Variants in ZNF704 observed in about 807,000 individuals in gnomAD.
ZNF704 encodes the protein glucocorticoid induced gene 1.
A neutral mutation model predicts 44.7 loss-of-function variants in ZNF704; 10 were observed. The ratio of observed to expected loss-of-function variants is 0.22; its 90% CI spans 0.14 to 0.38. ZNF704 has a LOEUF of 0.38. Ranked by LOEUF, ZNF704 falls within the 10% of genes least tolerant of loss-of-function variation. The pLI, the probability that ZNF704 is intolerant of heterozygous loss-of-function variation, is 1.00. For synonymous variants in ZNF704, 211 were observed against 207.6 expected, an observed-to-expected ratio of 1.02 and a Z score of -0.14; for missense variants, 390 against 545.5, an observed-to-expected ratio of 0.71 and a Z score of 2.84.
At chr8:80,679,001 A>G (rs1393256372) in intron 4 of ZNF704, among the ~76,000 whole-genome samples, 1 of 152,150 alleles carries the variant, frequency 6.6e-6, no homozygotes, top group African/African-American at 2.4e-5. Context: ...CTCTCCTCCA[A>G]AAGTTACCCT....
intron 1 of ZNF704, among the ~76,000 whole-genome samples, chr8:80,847,056 C>T (rs568577824): frequency 1.2e-4 from 18 of 152,102 alleles, no homozygotes; most frequent in African/African-American, 4.1e-4. Context: ...GTCTGTAATC[C>T]CAGCTACTCG....
intron 2 of ZNF704, among the ~76,000 whole-genome samples, chr8:80,742,863 C>G (rs1806784364): frequency 1.3e-5 from 2 of 152,010 alleles, no homozygotes; most frequent in Admixed American, 1.3e-4. Flanking sequence ...AGAGGAGGTA[C>G]CGAGAGACAA....
chr8:80,711,311 C>A (rs1361462425), intron 2 of ZNF704, among the ~76,000 whole-genome samples: 1 of 152,130 alleles, frequency 6.6e-6, no homozygotes, highest in East Asian at 1.9e-4. Context: ...GCAGTGGCAA[C>A]AGGAGTCAAT....
chr8:80,769,945 C>T (rs543317450), intron 2 of ZNF704, among the ~76,000 whole-genome samples: 12 of 152,320 alleles, frequency 7.9e-5, no homozygotes, highest in Admixed American at 2.6e-4. Context: ...TACAGTTCCA[C>T]GTGGCTGGGG....
At chr8:80,804,501 T>C (rs1807954326) in intron 2 of ZNF704, among the ~76,000 whole-genome samples, 1 of 152,012 alleles carries the variant, frequency 6.6e-6, no homozygotes. Flanking sequence ...GCCATGAAAA[T>C]GAATGAGATT....
chr8:80,639,213 C>T lies in ZNF704; in HGVS notation c.*2153G>A, dbSNP rs565614065. The T allele has an allele frequency of 6.6e-6, 1 of 152,352 alleles. No individual in the cohort carries two copies. Among genetic ancestry groups the T allele is most frequent in the South Asian group, 2.1e-4 (1 of 4,826 alleles). The allele number at this position is 152,352 out of a possible 1,614,324, so 9.4% of individuals were successfully genotyped here. A position where few individuals can be genotyped will look rare whatever the true frequency, so the allele number is the denominator to read the frequency against. ...GAAAAACCTCTGGTCCAGGACTGTA[C>T]CCTGTCATTTAAACACATGGTGAAC... On this transcript the variant is annotated 3_prime_UTR_variant, in exon 9 of 9. Transcript: ENST00000327835.
intron 2 of ZNF704, among the ~76,000 whole-genome samples, chr8:80,773,442 T>C (rs866681100): frequency 3.9e-5 from 6 of 152,344 alleles, no homozygotes; most frequent in Middle Eastern, 3.4e-3. Context: ...ATTTCCTCTA[T>C]GCACATTTAG....
intron 7 of ZNF704, among the ~76,000 whole-genome samples, chr8:80,650,708 A>G (rs1447172147): frequency 6.6e-6 from 1 of 152,270 alleles, no homozygotes; most frequent in Non-Finnish European, 1.5e-5. Context: ...CCCGAAAGTG[A>G]CAGGGAGAAT....
At chr8:80,838,785 G>A (rs563036245) in intron 1 of ZNF704, among the ~76,000 whole-genome samples, 3 of 150,950 alleles carry the variant, frequency 2.0e-5, no homozygotes, top group African/African-American at 4.9e-5. Context: ...TGGAGGCAGC[G>A]GCAGGGAGCA....
intron 2 of ZNF704, among the ~76,000 whole-genome samples, chr8:80,797,112 C>T (rs912383351): frequency 5.9e-5 from 9 of 151,722 alleles, no homozygotes; most frequent in African/African-American, 2.2e-4. Flanking sequence ...GGAGAATAAT[C>T]TCCCTTGACT....
intron 2 of ZNF704, among the ~76,000 whole-genome samples, chr8:80,780,475 T>C (rs1312475140): frequency 2.6e-5 from 4 of 152,128 alleles, no homozygotes; most frequent in Non-Finnish European, 4.4e-5. Context: ...AAGATGTCCC[T>C]GTCCTAACCC....
chr8:80,737,096 A>T (rs1806680315), intron 2 of ZNF704, among the ~76,000 whole-genome samples: 1 of 152,192 alleles, frequency 6.6e-6, no homozygotes, highest in African/African-American at 2.4e-5. Context: ...TTCATTGCAT[A>T]CCTATATACA....
chr8:80,858,754 G>A (rs563146721), intron 1 of ZNF704, among the ~76,000 whole-genome samples: 41 of 151,752 alleles, frequency 2.7e-4, no homozygotes, highest in African/African-American at 8.5e-4. Context: ...TTAAATATTC[G>A]TGAATTTTCT....
chr8:80,820,844 C>T (rs1204812549), intron 2 of ZNF704, among the ~76,000 whole-genome samples: 1 of 151,968 alleles, frequency 6.6e-6, no homozygotes, highest in East Asian at 1.9e-4. Context: ...AGTTCAAGGC[C>T]GCAGTGAGCT....
At chr8:80,725,486 C>T (rs967999891) in intron 2 of ZNF704, among the ~76,000 whole-genome samples, 10 of 151,998 alleles carry the variant, frequency 6.6e-5, no homozygotes, top group Admixed American at 3.9e-4. Context: ...AACATGGACA[C>T]GAAAACACAA....
At chr8:80,736,165 T>C (rs1220106773) in intron 2 of ZNF704, among the ~76,000 whole-genome samples, 1 of 152,262 alleles carries the variant, frequency 6.6e-6, no homozygotes, top group Non-Finnish European at 1.5e-5. Flanking sequence ...TGAATCTCTT[T>C]TGCATAACAC....
chr8:80,797,005 A>AAGCC (rs1807817117), intron 2 of ZNF704, among the ~76,000 whole-genome samples: 1 of 151,960 alleles, frequency 6.6e-6, no homozygotes, highest in Non-Finnish European at 1.5e-5. Context: ...GGAAGGAAGC[A>AAGCC]AGCAAGCAAG....
intron 7 of ZNF704, among the ~76,000 whole-genome samples, chr8:80,653,902 A>G (rs1817965069): frequency 6.6e-6 from 1 of 152,268 alleles, no homozygotes; most frequent in Middle Eastern, 3.4e-3. Flanking sequence ...AGCCAAAAGA[A>G]CAAAGCTGGA....
intron 1 of ZNF704, among the ~76,000 whole-genome samples, chr8:80,849,994 A>G (rs370827163): frequency 6.6e-6 from 1 of 152,188 alleles, no homozygotes; most frequent in South Asian, 2.1e-4. Flanking sequence ...TATGCTTTCT[A>G]TCAGTTTTTC....
Sources: allele counts gnomAD v4.1 joint callset (sites outside exome capture counted in the v4.1 genomes callset), GRCh38; gene constraint gnomAD v4.1.1; transcripts MANE v1.5; gene names NCBI Gene and HGNC (gene_info 2026-07-23, HGNC 2026-07-21).